The following PHAF1 variants were observed in gnomAD, a reference collection of about 807,000 sequenced individuals.
PHAF1 encodes phagophore assembly factor 1, also known as phagosome assembly factor 1.
In PHAF1, 23 loss-of-function variants were observed where a neutral mutation model predicts 63.1. The observed-to-expected ratio is 0.36, with a 90% CI of 0.26 to 0.52. The LOEUF (loss-of-function observed/expected upper bound fraction) is 0.52. PHAF1 is among the 20% of genes least tolerant of loss of function. PHAF1 has a pLI of 0.93. For synonymous variants in PHAF1, 167 were observed against 185.0 expected, an observed-to-expected ratio of 0.90 and a Z score of 0.79; for missense variants, 427 against 517.2, an observed-to-expected ratio of 0.83 and a Z score of 1.69.
intron 8 of PHAF1, among the ~76,000 whole-genome samples, chr16:67,139,343 CTTTTTTTTTTTTT>C (rs1164245105): frequency 1.1e-3 from 92 of 86,872 alleles, no homozygotes; most frequent in Non-Finnish European, 1.6e-3. Context: ...ACAGCACTGC[CTTTTTTTTTTTTT>C]TTTTTTTTTT....
chr16:67,110,778 G>A (rs1389986969), intron 1 of PHAF1, among the ~76,000 whole-genome samples: 3 of 152,110 alleles, frequency 2.0e-5, no homozygotes, highest in East Asian at 1.9e-4. Context: ...TTGAGTTTGT[G>A]TGTATTAAAG....
intron 2 of PHAF1, among the ~76,000 whole-genome samples, chr16:67,121,358 ATTTTTTTTTTTTT>A (rs573059769): frequency 7.5e-6 from 1 of 133,010 alleles, no homozygotes; most frequent in African/African-American, 2.8e-5. Context: ...CACCCAGCTA[ATTTTTTTTTTTTT>A]TTTTGTATTT....
chr16:67,128,675 A>G lies in PHAF1; in HGVS notation c.232-2611A>G, dbSNP rs556872949. 3.3e-5 allele frequency among the ~76,000 whole-genome samples: 5 copies of G among 152,302 alleles called. No homozygotes were observed. The East Asian group carries it at 9.6e-4, about 29-fold the overall frequency. On this transcript the variant is annotated intron_variant, in intron 3 of 15. Transcript: ENST00000219139. ...AGCTTCTGTAGCCCAGAGATGGAAA[A>G]TCATGGGCTTTAGCCTTCCCAGCTG...
chr16:67,137,559 TC>T (rs978530490), intron 8 of PHAF1, among the ~76,000 whole-genome samples: 27 of 152,116 alleles, frequency 1.8e-4, no homozygotes, highest in African/African-American at 6.3e-4. Flanking sequence ...CATCAAGTGA[TC>T]CGCCCGCCTC....
intron 2 of PHAF1, among the ~76,000 whole-genome samples, chr16:67,124,292 A>G (rs2145842050): frequency 6.6e-6 from 1 of 152,360 alleles, no homozygotes; most frequent in East Asian, 1.9e-4. Context: ...GTCATAGTTC[A>G]TTGTTCCATT....
intron 1 of PHAF1, among the ~76,000 whole-genome samples, chr16:67,111,008 C>T (rs1336095329): frequency 6.6e-6 from 1 of 152,160 alleles, no homozygotes; most frequent in African/African-American, 2.4e-5. Flanking sequence ...GACGAGGTTT[C>T]ACCATGTTGA....
chr16:67,131,946 C>T (rs1405907728), intron 4 of PHAF1: 1 of 152,432 alleles, frequency 6.6e-6, no homozygotes, highest in African/African-American at 2.4e-5. Flanking sequence ...GCCATCTCAG[C>T]TCACTGTAAC....
chr16:67,125,233 A>G (rs1014484775), intron 2 of PHAF1, among the ~76,000 whole-genome samples: 11 of 152,198 alleles, frequency 7.2e-5, no homozygotes, highest in African/African-American at 2.7e-4. Flanking sequence ...TAAGGTCACC[A>G]GGGTTCTGTC....
chr16:67,110,350 C>G (rs1371390559), intron 1 of PHAF1, 111 bp downstream of exon 1: 2 of 1,206,556 alleles, frequency 1.7e-6, no homozygotes, highest in Non-Finnish European at 2.4e-6. Context: ...CTCCTCACCT[C>G]TTTCGTCCTC....
At chr16:67,135,051 C>G (rs1963559162) in intron 8 of PHAF1, 1 of 232,244 alleles carries the variant, frequency 4.3e-6, no homozygotes, top group African/African-American at 2.3e-5. Flanking sequence ...GCACATAGGC[C>G]TGCTGTGTGC....
In PHAF1 at chr16:67,120,156, C is replaced by G; in HGVS notation, c.109C>G (p.Arg37Gly). The G allele has an allele frequency of 6.2e-7, 1 of 1,614,056 alleles. No homozygotes were observed. The highest frequency in any genetic ancestry group is 8.5e-7 in the Non-Finnish European group (1 of 1,179,988). Residue 37 changes from arginine to glycine, a missense_variant, in exon 2 of 16, where the codon CGC becomes GGC. Coordinates refer to ENST00000219139, the MANE Select transcript of PHAF1 (RefSeq NM_025187.5). ...AGTAGCCATTCTTCAGAAGCACTGT[C>G]GCATCATCAAAAACGTCCAGGTTCT... ...QAVAILQKHC[R>G]IIKNVQVLYS...
chr16:67,138,791 TG>T, intron 8 of PHAF1, among the ~76,000 whole-genome samples: 1 of 152,204 alleles, frequency 6.6e-6, no homozygotes, highest in Non-Finnish European at 1.5e-5. Context: ...GGCTCTTGTC[TG>T]GGTTGGAGGG....
At chr16:67,146,207 A>G (rs2030047991) in intron 14 of PHAF1, 71 bp from the exon 15 acceptor site, 1 of 1,405,332 alleles carries the variant, frequency 7.1e-7, no homozygotes, top group African/African-American at 1.4e-5. Context: ...ATACCCCAGA[A>G]AAGACTGGAT....
chr16:67,146,411 GGTGAA>G, intron 15 of PHAF1, 61 bp downstream of exon 15: 1 of 1,516,424 alleles, frequency 6.6e-7, no homozygotes, highest in Non-Finnish European at 9.2e-7. Context: ...GGCAGGGCCA[GGTGAA>G]TGATGGAGGG....
intron 1 of PHAF1, among the ~76,000 whole-genome samples, chr16:67,119,522 CTTT>C (rs540049566): frequency 7.2e-6 from 1 of 138,608 alleles, no homozygotes. Context: ...TCATACGCAT[CTTT>C]TTTTTTTTTT....
intron 8 of PHAF1, among the ~76,000 whole-genome samples, chr16:67,137,464 G>T (rs1256792121): frequency 6.6e-6 from 1 of 152,016 alleles, no homozygotes; most frequent in Non-Finnish European, 1.5e-5. Context: ...GATTACAGAC[G>T]TGTGCCACCA....
rs551563843 is a variant in PHAF1, at chr16:67,147,675, G to A, written c.*544G>A. On this transcript the variant is annotated 3_prime_UTR_variant, in exon 16 of 16. Transcript: ENST00000219139. ...CCTTCCCTGTTCCTTTCTTGCACGC[G>A]CTCCCTGCCTGGGCACACCAAACTG... is the stretch of plus-strand genomic sequence containing the variant. The A allele has an allele frequency of 1.6e-3, 239 of 153,252 alleles. No homozygotes were observed. The highest frequency in any genetic ancestry group is 3.5e-3 in the South Asian group (17 of 4,876). The allele number at this position is 153,252 out of a possible 1,614,324, so 9.5% of individuals were successfully genotyped here.
chr16:67,141,054 T>A (rs751292151), intron 10 of PHAF1, among the ~76,000 whole-genome samples: 3 of 152,232 alleles, frequency 2.0e-5, no homozygotes, highest in Non-Finnish European at 4.4e-5. Context: ...AGCTGGTAGC[T>A]GGCCAGTGCG....
At chr16:67,112,730 G>A (rs990825223) in intron 1 of PHAF1, among the ~76,000 whole-genome samples, 2 of 152,174 alleles carry the variant, frequency 1.3e-5, no homozygotes, top group African/African-American at 4.8e-5. Context: ...CAAAAACAGT[G>A]AGAAGGGCAT....
Sources: allele counts gnomAD v4.1 joint callset (sites outside exome capture counted in the v4.1 genomes callset), GRCh38; gene constraint gnomAD v4.1.1; transcripts MANE v1.5; gene names NCBI Gene and HGNC (gene_info 2026-07-23, HGNC 2026-07-21).